TIMMDC1: variants seen among roughly 807,000 people sequenced by gnomAD.
TIMMDC1 encodes the protein translocase of inner mitochondrial membrane domain containing 1, also known as complex I assembly factor TIMMDC1, mitochondrial.
A neutral mutation model predicts 32.6 loss-of-function variants in TIMMDC1; 25 were observed. The observed-to-expected ratio is 0.77, with a 90% CI of 0.56 to 1.07. The LOEUF (loss-of-function observed/expected upper bound fraction) is 1.07. TIMMDC1 is among the 50% of genes least tolerant of loss of function. The pLI is 0.00. For synonymous variants in TIMMDC1, 130 were observed against 127.6 expected (o/e 1.02, Z -0.13); for missense variants, 329 against 349.2 (o/e 0.94, Z 0.46).
chr3:119,517,367 A>AT, intron 6 of TIMMDC1, 52 bp downstream of exon 6: 1 of 1,178,912 alleles, frequency 8.5e-7, no homozygotes, highest in Non-Finnish European at 1.3e-6. Flanking sequence ...CCCAGGCCTT[A>AT]TATAGTGGTG....
intron 4 of TIMMDC1, among the ~76,000 whole-genome samples, chr3:119,505,236 A>T (rs563450007): frequency 4.2e-4 from 64 of 152,374 alleles, no homozygotes; most frequent in Middle Eastern, 3.4e-3. Flanking sequence ...TACTTGTCAG[A>T]TTTAAAAAAT....
intron 4 of TIMMDC1, among the ~76,000 whole-genome samples, chr3:119,512,778 C>G (rs2081962712): frequency 6.6e-6 from 1 of 152,140 alleles, no homozygotes; most frequent in African/African-American, 2.4e-5. Flanking sequence ...TCTCATTCTT[C>G]CGCTGAGGCT....
intron 4 of TIMMDC1, among the ~76,000 whole-genome samples, chr3:119,507,123 AC>A (rs1487842456): frequency 6.6e-6 from 1 of 152,160 alleles, no homozygotes; most frequent in Admixed American, 6.5e-5. Context: ...ATTTTGAGGA[AC>A]ATTTACTGTG....
rs759802408 is a variant in TIMMDC1 at position 119,523,585 on chromosome 3, A to G, written c.708-21A>G. The G allele has an allele frequency of 3.8e-6, 6 of 1,569,662 alleles. No homozygotes were observed. The Admixed American group carries it at 5.9e-5, about 16-fold the overall frequency. ...AAAGAAATGGAGCAGTATTTGATTT[A>G]TCCTTTTTATCTGATTACAGGAAAG... On this transcript the variant is annotated intron_variant, in intron 6 of 6. Transcript: ENST00000494664.
Position 119,503,978 on chromosome 3 carries a change from AT to A in TIMMDC1, c.475del (p.Tyr159ThrfsTer7). The A allele has an allele frequency of 6.2e-7, 1 of 1,613,834 alleles. No homozygotes were observed. The highest frequency in any genetic ancestry group is 8.5e-7 in the Non-Finnish European group (1 of 1,179,808). On this transcript the variant is annotated frameshift_variant, in exon 4 of 7. Coordinates refer to ENST00000494664, the MANE Select transcript of TIMMDC1 (RefSeq NM_016589.4). LOFTEE classifies it high-confidence loss of function. ...FNTVNTSLNV[Y>X]RNKDALSHFV... ...GCACAGTGAACACTAGTCTGAATGTATACCGAAATAAAGATGCCTTAAGCCA... is the reference window on the plus strand; with the variant it reads ...GCACAGTGAACACTAGTCTGAATGTAACCGAAATAAAGATGCCTTAAGCCA...
chr3:119,522,949 A>T (rs967128929), intron 6 of TIMMDC1, among the ~76,000 whole-genome samples: 8 of 152,170 alleles, frequency 5.3e-5, no homozygotes, highest in Middle Eastern at 3.2e-3. Flanking sequence ...AAATTGCCTC[A>T]ATGAGCAGAA....
Position 119,517,320 on chromosome 3 carries a change from G to A in TIMMDC1, c.707+5G>A, listed in dbSNP as rs2081991945. On this transcript the variant is annotated splice_donor_5th_base_variant and intron_variant, in intron 6 of 6. Coordinates refer to ENST00000494664, the MANE Select transcript of TIMMDC1 (RefSeq NM_016589.4). Reference sequence around the variant, plus strand: ...TGAGCTAAAACTGGAAGAGTGGTAAGGAACATGTTGAGCCCAGGGAATCTT... The same window carrying A: ...TGAGCTAAAACTGGAAGAGTGGTAAAGAACATGTTGAGCCCAGGGAATCTT... 2 of 1,594,116 alleles carry A rather than the reference G, an allele frequency of 1.3e-6. No homozygotes were observed. The highest frequency in any genetic ancestry group is 1.7e-6 in the Non-Finnish European group (2 of 1,162,120).
At chr3:119,509,681 A>G (rs998720994) in intron 4 of TIMMDC1, among the ~76,000 whole-genome samples, 2 of 144,612 alleles carry the variant, frequency 1.4e-5, no homozygotes, top group African/African-American at 5.4e-5. Flanking sequence ...TAGCAATGCA[A>G]CTAAATTTTT....
intron 4 of TIMMDC1, among the ~76,000 whole-genome samples, chr3:119,508,389 T>C (rs1251806356): frequency 6.6e-6 from 1 of 152,258 alleles, no homozygotes; most frequent in Non-Finnish European, 1.5e-5. Context: ...TCTCCTATTT[T>C]GAGGGCAGCA....
At chr3:119,500,952 G>A (rs566429527) in intron 2 of TIMMDC1, 92 bp downstream of exon 2, 10 of 1,322,804 alleles carry the variant, frequency 7.6e-6, no homozygotes, top group Non-Finnish European at 1.0e-5. Context: ...GGGATGGAGG[G>A]TTGTTTTAAG....
At chr3:119,517,719 G>T (rs2081995602) in intron 6 of TIMMDC1, among the ~76,000 whole-genome samples, 1 of 152,182 alleles carries the variant, frequency 6.6e-6, no homozygotes, top group African/African-American at 2.4e-5. Flanking sequence ...TGTAATCCCA[G>T]CACTTTGGGA....
At chr3:119,515,208 CAA>C (rs35275676) in intron 5 of TIMMDC1, among the ~76,000 whole-genome samples, 21,225 of 126,218 alleles carry the variant, frequency 0.17, 3,690 homozygotes, top group African/African-American at 0.46. Flanking sequence ...GACTCCATCT[CAA>C]AAAAAAAAAA....
chr3:119,499,205 C>T (rs1474779540), intron 1 of TIMMDC1, among the ~76,000 whole-genome samples: 1 of 146,622 alleles, frequency 6.8e-6, no homozygotes, highest in Non-Finnish European at 1.5e-5. Flanking sequence ...GTGATCCTCC[C>T]ACCTCAGCCT....
intron 4 of TIMMDC1, among the ~76,000 whole-genome samples, chr3:119,508,539 C>T (rs940537900): frequency 1.3e-5 from 2 of 152,240 alleles, no homozygotes; most frequent in Non-Finnish European, 2.9e-5. Flanking sequence ...GGAAGTCTCC[C>T]TTTCCTTTTT....
chr3:119,499,637 A>G (rs909220224), intron 1 of TIMMDC1, among the ~76,000 whole-genome samples: 1 of 151,430 alleles, frequency 6.6e-6, no homozygotes, highest in Non-Finnish European at 1.5e-5. Flanking sequence ...GCTGGTCTGG[A>G]ACTCCTGACC....
At position 119,498,568 on chromosome 3, in the gene TIMMDC1, A is replaced by C. The variant is rs990113275; in HGVS notation, c.-166A>C. On this transcript the variant is annotated 5_prime_UTR_variant, in exon 1 of 7. Coordinates refer to ENST00000494664, the MANE Select transcript of TIMMDC1 (RefSeq NM_016589.4). Reference sequence around the variant, plus strand: ...CTGTGTCGTATTTCCAAGGACTCCAAAGCGAGGCCGGGGACTGAAGGTGTG... The same window carrying C: ...CTGTGTCGTATTTCCAAGGACTCCACAGCGAGGCCGGGGACTGAAGGTGTG... 9.1e-6 allele frequency: 6 copies of C among 658,896 alleles called. No individual in the cohort carries two copies. The highest frequency in any genetic ancestry group is 1.5e-5 in the Non-Finnish European group (6 of 387,440). 40.8% of individuals were successfully genotyped at this position (658,896 alleles called of 1,614,324 possible).
intron 6 of TIMMDC1, among the ~76,000 whole-genome samples, chr3:119,519,310 CTGAA>C (rs2082007541): frequency 6.6e-6 from 1 of 151,986 alleles, no homozygotes; most frequent in East Asian, 1.9e-4. Context: ...TTTAGAGTGG[CTGAA>C]TGAATAAAAA....
intron 5 of TIMMDC1, among the ~76,000 whole-genome samples, chr3:119,516,194 C>T (rs2081984447): frequency 6.6e-6 from 1 of 152,138 alleles, no homozygotes; most frequent in Non-Finnish European, 1.5e-5. Flanking sequence ...CATGAGATCT[C>T]TAGAACTTTT....
Position 119,517,272 on chromosome 3 carries a change from CAG to C in TIMMDC1, c.666_667del (p.Lys223GlyfsTer7). 1 of 1,613,766 alleles carries C rather than the reference CAG, an allele frequency of 6.2e-7. No homozygotes were observed. Among genetic ancestry groups the C allele is most frequent in the Non-Finnish European group, 8.5e-7 (1 of 1,179,756 alleles). ...TGGTGAGACTGTTCAGGAAAGAAAACAGAAGGATCGAAAGGCACTCCATGAGC... is the reference window on the plus strand; with the variant it reads ...TGGTGAGACTGTTCAGGAAAGAAAACAAGGATCGAAAGGCACTCCATGAGC... ...YSGETVQERK[Q>X]KDRKALHELK... On this transcript the variant is annotated frameshift_variant, in exon 6 of 7. Transcript: ENST00000494664. LOFTEE classifies it high-confidence loss of function.
Sources: gnomAD v4.1 joint callset for allele counts (sites outside exome capture counted in the v4.1 genomes callset) on GRCh38, gnomAD v4.1.1 for gene constraint, MANE v1.5 for transcripts, NCBI Gene and HGNC (gene_info 2026-07-23, HGNC 2026-07-21) for gene names.